PTPRD: variants seen among roughly 807,000 people sequenced by gnomAD.
PTPRD encodes the protein receptor-type tyrosine-protein phosphatase delta.
PTPRD carries 34 observed loss-of-function variants against 214.5 expected under a neutral mutation model. The ratio of observed to expected loss-of-function variants is 0.16; its 90% CI spans 0.12 to 0.21. The LOEUF (loss-of-function observed/expected upper bound fraction) is 0.21, where lower values mean the gene tolerates loss of function less well. Among genes scored for constraint, PTPRD ranks in the 10% least tolerant of loss-of-function variants. The probability of loss-of-function intolerance (pLI) is 1.00; values close to 1 mark genes in which losing one functional copy is unlikely to be tolerated. For synonymous variants in PTPRD, 1,128 were observed against 845.7 expected, an observed-to-expected ratio of 1.33 and a Z score of -5.79; for missense variants, 2,545 against 2,398.7, an observed-to-expected ratio of 1.06 and a Z score of -1.27.
intron 3 of PTPRD, among the ~76,000 whole-genome samples, chr9:10,086,001 G>T (rs1010460823): frequency 3.3e-5 from 5 of 151,844 alleles, no homozygotes; most frequent in Non-Finnish European, 7.4e-5. Context: ...CAGTGGTGGT[G>T]CAATTTAATG....
intron 5 of PTPRD, among the ~76,000 whole-genome samples, chr9:9,841,376 C>G (rs74370411): frequency 6.6e-6 from 1 of 151,682 alleles, no homozygotes; most frequent in Non-Finnish European, 1.5e-5. Context: ...ACTTTTTTTT[C>G]TAAGTCTTCT....
At chr9:8,441,724 C>T (rs1317067628) in intron 34 of PTPRD, among the ~76,000 whole-genome samples, 3 of 152,044 alleles carry the variant, frequency 2.0e-5, no homozygotes, top group African/African-American at 4.8e-5. Context: ...GGTTCATCTA[C>T]CTCCCCTTCT....
intron 7 of PTPRD, among the ~76,000 whole-genome samples, chr9:9,633,310 A>T (rs1190552018): frequency 6.6e-6 from 1 of 152,054 alleles, no homozygotes; most frequent in Admixed American, 6.6e-5. Flanking sequence ...TCAGGGAAAA[A>T]AAAAAAGAAA....
intron 3 of PTPRD, among the ~76,000 whole-genome samples, chr9:10,072,975 T>C (rs1382559923): frequency 6.6e-6 from 1 of 152,124 alleles, no homozygotes; most frequent in Non-Finnish European, 1.5e-5. Context: ...GGTATATCCA[T>C]AGAGTAGAAT....
intron 5 of PTPRD, among the ~76,000 whole-genome samples, chr9:9,914,240 C>T (rs991005837): frequency 2.6e-5 from 4 of 152,202 alleles, no homozygotes; most frequent in Admixed American, 6.5e-5. Flanking sequence ...AACAGCCCCA[C>T]AGCAACCCCT....
chr9:8,538,486 T>C (rs937093530), intron 14 of PTPRD, among the ~76,000 whole-genome samples: 6 of 151,774 alleles, frequency 4.0e-5, no homozygotes, highest in African/African-American at 1.2e-4. Context: ...CATATTTTGG[T>C]AAATATAAGT....
At chr9:8,678,729 A>G (rs1411757745) in intron 12 of PTPRD, among the ~76,000 whole-genome samples, 1 of 152,204 alleles carries the variant, frequency 6.6e-6, no homozygotes, top group Non-Finnish European at 1.5e-5. Context: ...GGTTTGATAG[A>G]ACAAACTCCC....
intron 30 of PTPRD, among the ~76,000 whole-genome samples, chr9:8,473,452 G>A (rs908681965): frequency 6.6e-6 from 1 of 152,124 alleles, no homozygotes; most frequent in African/African-American, 2.4e-5. Context: ...CTGCAACTGA[G>A]CGTACAAAAT....
intron 14 of PTPRD, among the ~76,000 whole-genome samples, chr9:8,550,628 G>C (rs1170800561): frequency 6.6e-6 from 1 of 152,178 alleles, no homozygotes; most frequent in Non-Finnish European, 1.5e-5. Flanking sequence ...TTAAAGAAGA[G>C]ATCATGATTT....
rs2095651173 is a variant in PTPRD, at chr9:10,295,594, T to A, written c.-545+45369A>T. The stretch of plus-strand genomic sequence containing the variant: ...TTATTAAATATCTTATTTGTTTACA[T>A]CACTCTCTGTTTCCTTAGTATGGTA... On this transcript the variant is annotated intron_variant, in intron 3 of 45. Transcript: ENST00000381196. Among the ~76,000 whole-genome samples, 5 of 152,252 alleles carry A rather than the reference T, an allele frequency of 3.3e-5. No individual in the cohort carries two copies. The South Asian group carries it at 1.0e-3, about 32-fold the overall frequency.
chr9:9,549,285 C>T (rs560621563), intron 8 of PTPRD, among the ~76,000 whole-genome samples: 30 of 152,088 alleles, frequency 2.0e-4, no homozygotes, highest in Non-Finnish European at 3.4e-4. Flanking sequence ...CAGACACACA[C>T]GACAAAGGAC....
chr9:8,347,091 G>T (rs112084932), intron 39 of PTPRD, among the ~76,000 whole-genome samples: 1 of 128,046 alleles, frequency 7.8e-6, no homozygotes, highest in Admixed American at 7.5e-5. Flanking sequence ...CCTGCGGATA[G>T]AGGGGGACTA....
At chr9:10,360,898 C>T (rs142137636) in intron 2 of PTPRD, among the ~76,000 whole-genome samples, 5 of 152,042 alleles carry the variant, frequency 3.3e-5, no homozygotes, top group African/African-American at 4.8e-5. Context: ...GTCAGGAGAT[C>T]GAGGCCATCC....
chr9:9,235,731 T>G (rs1218150078), intron 9 of PTPRD, among the ~76,000 whole-genome samples: 1 of 152,220 alleles, frequency 6.6e-6, no homozygotes, highest in African/African-American at 2.4e-5. Context: ...CCCAGATTTC[T>G]GCCTCCAGAA....
rs192137385 is a variant in PTPRD, at chr9:9,386,863, G to A, written c.-203+10586C>T. ...TTTTATGAAATAAAAGGGAACTGAA[G>A]GTCCATCTCAGGCTCCTGAGCCCCA... On this transcript the variant is annotated intron_variant, in intron 9 of 45. Coordinates refer to ENST00000381196, the MANE Select transcript of PTPRD (RefSeq NM_002839.4). Among the ~76,000 whole-genome samples the A allele has an allele frequency of 1.4e-4, 22 of 152,186 alleles. No homozygotes were observed. In the East Asian group the frequency reaches 4.1e-3, roughly 28 times the overall value.
intron 2 of PTPRD, among the ~76,000 whole-genome samples, chr9:10,415,509 T>A (rs2098479060): frequency 6.6e-6 from 1 of 151,904 alleles, no homozygotes; most frequent in South Asian, 2.1e-4. Flanking sequence ...AGAGAAAGAT[T>A]TATTAAGATA....
chr9:8,650,000 C>T (rs144681866), intron 12 of PTPRD, among the ~76,000 whole-genome samples: 15 of 152,194 alleles, frequency 9.9e-5, no homozygotes, highest in South Asian at 8.3e-4. Flanking sequence ...TCACTGCAGC[C>T]TCCACCTCCT....
intron 33 of PTPRD, among the ~76,000 whole-genome samples, chr9:8,456,470 A>C (rs1319518094): frequency 6.6e-6 from 1 of 152,152 alleles, no homozygotes; most frequent in Admixed American, 6.5e-5. Context: ...CAGGAAAGGC[A>C]TTCCTAACCT....
At chr9:9,629,442 T>G (rs2095522592) in intron 7 of PTPRD, among the ~76,000 whole-genome samples, 1 of 152,130 alleles carries the variant, frequency 6.6e-6, no homozygotes, top group Admixed American at 6.5e-5. Context: ...GCCAGAAAAC[T>G]GTCTTTGAAT....
Sources: allele counts gnomAD v4.1 joint callset (sites outside exome capture counted in the v4.1 genomes callset), GRCh38; gene constraint gnomAD v4.1.1; transcripts MANE v1.5; gene names NCBI Gene and HGNC (gene_info 2026-07-23, HGNC 2026-07-21).